EYA3: variants seen among roughly 807,000 people sequenced by gnomAD.
EYA3 encodes the protein EYA transcriptional coactivator and phosphatase 3, also known as protein phosphatase EYA3.
EYA3 carries 39 observed loss-of-function variants against 80.0 expected under a neutral mutation model. The ratio of observed to expected loss-of-function variants is 0.49; its 90% CI spans 0.38 to 0.64. The LOEUF (loss-of-function observed/expected upper bound fraction) is 0.64. Ranked by LOEUF, EYA3 falls within the 30% of genes least tolerant of loss-of-function variation. The pLI is 0.00. For missense variants in EYA3, 523 were observed against 676.1 expected, an observed-to-expected ratio of 0.77 and a Z score of 2.51; for synonymous variants, 206 against 232.8, an observed-to-expected ratio of 0.88 and a Z score of 1.05.
chr1:27,976,946 G>A, intron 17 of EYA3: 3 of 833,128 alleles, frequency 3.6e-6, no homozygotes, highest in Non-Finnish European at 4.3e-6. Flanking sequence ...TCGAACTCCT[G>A]ACCTCAGGTG....
In EYA3 at chr1:28,041,478, G is replaced by A. The variant is rs548405429; in HGVS notation, c.157+1093C>T. Among the ~76,000 whole-genome samples, 17 of 152,090 alleles carry A rather than the reference G, an allele frequency of 1.1e-4. 1 individual carries two copies. In the Middle Eastern group the frequency reaches 0.01, roughly 91 times the overall value. On this transcript the variant is annotated intron_variant, in intron 4 of 17. Coordinates refer to ENST00000373871, the MANE Select transcript of EYA3 (RefSeq NM_001990.4). ...TGAGGCAGGAGAATCACTTGAACCC[G>A]GGAGGCGGAGGTTGTAGTGAGTCGA...
chr1:28,048,557 C>A, intron 2 of EYA3, 131 bp from the exon 3 acceptor site: 1 of 535,444 alleles, frequency 1.9e-6, no homozygotes. Flanking sequence ...TTTAATTAAC[C>A]CTTGTTATAT....
chr1:28,049,111 T>C (rs555565914), intron 2 of EYA3, among the ~76,000 whole-genome samples: 1 of 152,314 alleles, frequency 6.6e-6, no homozygotes, highest in South Asian at 2.1e-4. Flanking sequence ...ATTCAAATTA[T>C]GAATATTTAA....
chr1:27,974,310 G>GGAGGGAGA lies in EYA3; in HGVS notation c.*148_*155dup, dbSNP rs752710557. 10 of 478,498 alleles carry GGAGGGAGA rather than the reference G, an allele frequency of 2.1e-5. No homozygotes were observed. The highest frequency in any genetic ancestry group is 9.8e-5 in the African/African-American group (5 of 50,854). The allele number at this position is 478,498 out of a possible 1,614,324, so 29.6% of individuals were successfully genotyped here. ...GAGAGGGAGGGAGAGAGGAAGGGAG[G>GGAGGGAGA]GAGGGAGAGAGGGAGAGAGAGAAAG... On this transcript the variant is annotated 3_prime_UTR_variant, in exon 18 of 18. Coordinates refer to ENST00000373871, the MANE Select transcript of EYA3 (RefSeq NM_001990.4).
chr1:28,079,035 A>G (rs1645325425), intron 1 of EYA3, among the ~76,000 whole-genome samples: 1 of 152,268 alleles, frequency 6.6e-6, no homozygotes, highest in African/African-American at 2.4e-5. Flanking sequence ...ACATACGAGA[A>G]GATGGCAAGT....
chr1:28,074,559 G>A (rs1205804519), intron 1 of EYA3, among the ~76,000 whole-genome samples: 1 of 150,708 alleles, frequency 6.6e-6, no homozygotes, highest in Non-Finnish European at 1.5e-5. Flanking sequence ...CTGTCACCCA[G>A]GCTGGAGTGC....
At chr1:28,084,588 TATATA>T (rs1645572786) in intron 1 of EYA3, among the ~76,000 whole-genome samples, 30 of 17,608 alleles carry the variant, frequency 1.7e-3, no homozygotes, top group African/African-American at 2.3e-3. Flanking sequence ...TATATATATA[TATATA>T]TATTTTTTTT....
chr1:28,022,632 CTA>C (rs375425093), intron 7 of EYA3, among the ~76,000 whole-genome samples: 4 of 151,948 alleles, frequency 2.6e-5, no homozygotes, highest in Non-Finnish European at 5.9e-5. Flanking sequence ...GTTAGTATAC[CTA>C]CATATATTTG....
At chr1:28,028,042 T>G in intron 6 of EYA3, 116 bp from the exon 7 acceptor site, 3 of 1,229,612 alleles carry the variant, frequency 2.4e-6, no homozygotes, top group Non-Finnish European at 3.4e-6. Context: ...AAAAATAAAT[T>G]TGCTTGTAAG....
At chr1:28,004,442 AT>A in intron 10 of EYA3, 23 bp from the exon 11 acceptor site, 1 of 1,561,190 alleles carries the variant, frequency 6.4e-7, no homozygotes, top group Non-Finnish European at 8.8e-7. Flanking sequence ...AATATAAAAA[AT>A]GAGTATATTT....
intron 13 of EYA3, among the ~76,000 whole-genome samples, chr1:27,994,624 T>C (rs1571740431): frequency 1.3e-5 from 2 of 151,338 alleles, no homozygotes; most frequent in Non-Finnish European, 3.0e-5. Flanking sequence ...AAGGCAGAGG[T>C]TGCAATGAGC....
chr1:28,008,005 G>C (rs1247133062), intron 10 of EYA3, among the ~76,000 whole-genome samples: 3 of 152,152 alleles, frequency 2.0e-5, no homozygotes, highest in African/African-American at 7.2e-5. Flanking sequence ...AACCAAAACA[G>C]TGTGGTACTA....
intron 5 of EYA3, among the ~76,000 whole-genome samples, chr1:28,036,223 C>T (rs1406405642): frequency 6.6e-6 from 1 of 152,218 alleles, no homozygotes; most frequent in Non-Finnish European, 1.5e-5. Context: ...CCAAACATCC[C>T]TCCAAGTTCC....
At chr1:27,979,116 T>C (rs1033388859) in intron 16 of EYA3, among the ~76,000 whole-genome samples, 2 of 152,166 alleles carry the variant, frequency 1.3e-5, no homozygotes, top group African/African-American at 4.8e-5. Context: ...TAGCTAGAAC[T>C]TGGGGCCCCT....
chr1:28,005,903 G>A (rs1571775213), intron 10 of EYA3, among the ~76,000 whole-genome samples: 1 of 151,862 alleles, frequency 6.6e-6, no homozygotes, highest in African/African-American at 2.4e-5. Context: ...TCAGGAGTTC[G>A]AGACCAGCCT....
At chr1:28,064,983 T>C (rs1297848459) in intron 1 of EYA3, among the ~76,000 whole-genome samples, 2 of 152,256 alleles carry the variant, frequency 1.3e-5, no homozygotes, top group African/African-American at 4.8e-5. Context: ...ATAGTGATGA[T>C]GACTGCAGAT....
intron 1 of EYA3, among the ~76,000 whole-genome samples, chr1:28,067,611 T>C (rs1644878131): frequency 6.6e-6 from 1 of 152,308 alleles, no homozygotes; most frequent in South Asian, 2.1e-4. Flanking sequence ...TAAAAAATCT[T>C]ACCCTGTTTG....
chr1:28,073,121 A>T lies in EYA3; in HGVS notation c.-68-15027T>A, dbSNP rs1214253452. Among the ~76,000 whole-genome samples the T allele has an allele frequency of 1.3e-4, 6 of 45,802 alleles. 1 individual carries two copies. Among genetic ancestry groups the T allele is most frequent in the African/African-American group, 2.3e-4 (2 of 8,758 alleles). The allele number at this position is 45,802 out of a possible 152,430, so 30.0% of individuals were successfully genotyped here. A position where few individuals can be genotyped will look rare whatever the true frequency, so the allele number is the denominator to read the frequency against. On this transcript the variant is annotated intron_variant, in intron 1 of 17. Coordinates refer to ENST00000373871, the MANE Select transcript of EYA3 (RefSeq NM_001990.4). ...GAAACTATTATATATATATATATAT[A>T]TATATATTTTTTTTTTTTTTTTTTT...
At chr1:28,075,707 T>C (rs1252078376) in intron 1 of EYA3, among the ~76,000 whole-genome samples, 2 of 152,212 alleles carry the variant, frequency 1.3e-5, no homozygotes, top group Non-Finnish European at 2.9e-5. Flanking sequence ...ATTGCTGCCA[T>C]TGATAAATAT....
Sources: gnomAD v4.1 joint callset for allele counts (sites outside exome capture counted in the v4.1 genomes callset) on GRCh38, gnomAD v4.1.1 for gene constraint, MANE v1.5 for transcripts, NCBI Gene and HGNC (gene_info 2026-07-23, HGNC 2026-07-21) for gene names.